ST6GAL2: variants seen among roughly 807,000 people sequenced by gnomAD.
ST6GAL2 encodes the protein ST6 beta-galactoside alpha-2,6-sialyltransferase 2.
Under a neutral mutation model 37.5 loss-of-function variants are expected in ST6GAL2, and 24 were observed. That is an observed-to-expected ratio of 0.64 (90% confidence interval 0.46 to 0.90). ST6GAL2 has a LOEUF of 0.90. Among genes scored for constraint, ST6GAL2 ranks in the 40% least tolerant of loss-of-function variants. The pLI is 0.00. For missense variants in ST6GAL2, 715 were observed against 712.7 expected, an observed-to-expected ratio of 1.00 and a Z score of -0.04; for synonymous variants, 306 against 295.1, an observed-to-expected ratio of 1.04 and a Z score of -0.38.
Position 106,803,289 on chromosome 2 carries a change from C to T in ST6GAL2, c.*3389G>A, listed in dbSNP as rs961363972. ...CAGACACATGGGAAGTGCTGTTTCT[C>T]GAAGCTCTGCCTTCAGGCAGACAAG... is the stretch of plus-strand genomic sequence containing the variant. On this transcript the variant is annotated 3_prime_UTR_variant, in exon 6 of 6. Coordinates refer to ENST00000409382, the MANE Select transcript of ST6GAL2 (RefSeq NM_001142351.2). 2.6e-5 allele frequency: 4 copies of T among 152,150 alleles called. No homozygotes were observed. Among genetic ancestry groups the T allele is most frequent in the African/African-American group, 9.7e-5 (4 of 41,430 alleles). 9.4% of individuals were successfully genotyped at this position (152,150 alleles called of 1,614,324 possible).
intron 1 of ST6GAL2, among the ~76,000 whole-genome samples, chr2:106,872,962 T>G (rs1558728954): frequency 6.6e-6 from 1 of 152,214 alleles, no homozygotes; most frequent in Non-Finnish European, 1.5e-5. Flanking sequence ...AACTGACATG[T>G]GCCAGGCATT....
chr2:106,861,290 C>T (rs973529807), intron 1 of ST6GAL2, among the ~76,000 whole-genome samples: 1 of 152,200 alleles, frequency 6.6e-6, no homozygotes, highest in Non-Finnish European at 1.5e-5. Flanking sequence ...CCCATCCTGG[C>T]CCTTTTTCCT....
intron 1 of ST6GAL2, among the ~76,000 whole-genome samples, chr2:106,878,041 C>T (rs1454111057): frequency 3.3e-5 from 5 of 152,364 alleles, no homozygotes; most frequent in African/African-American, 9.6e-5. Flanking sequence ...AATTCCCAAA[C>T]CAAATCTGTA....
intron 1 of ST6GAL2, among the ~76,000 whole-genome samples, chr2:106,863,025 G>T (rs905502876): frequency 3.3e-5 from 5 of 151,272 alleles, no homozygotes; most frequent in Admixed American, 6.6e-5. Flanking sequence ...AAAGAACATG[G>T]TATTCCTGGG....
At chr2:106,807,062 T>G in intron 5 of ST6GAL2, 113 bp from the exon 6 acceptor site, 1 of 868,280 alleles carries the variant, frequency 1.2e-6, no homozygotes, top group Admixed American at 2.8e-5. Flanking sequence ...AGACACTTAC[T>G]TTTTTGTTGT....
intron 1 of ST6GAL2, among the ~76,000 whole-genome samples, chr2:106,880,290 A>G (rs905262614): frequency 6.6e-6 from 1 of 152,162 alleles, no homozygotes; most frequent in Non-Finnish European, 1.5e-5. Context: ...TTCCAGAAAA[A>G]AGATTGAATA....
At chr2:106,878,207 T>G (rs1008926488) in intron 1 of ST6GAL2, among the ~76,000 whole-genome samples, 15 of 152,240 alleles carry the variant, frequency 9.9e-5, no homozygotes, top group African/African-American at 3.6e-4. Flanking sequence ...CTCATGCCTG[T>G]AGTCCCAGCA....
At chr2:106,841,458 A>G (rs1255992004) in intron 2 of ST6GAL2, among the ~76,000 whole-genome samples, 2 of 152,174 alleles carry the variant, frequency 1.3e-5, no homozygotes, top group African/African-American at 4.8e-5. Flanking sequence ...GCTGTATTTG[A>G]CTCACATTTG....
upstream of ST6GAL2, chr2:106,887,062 G>A (rs560453669): frequency 3.9e-5 from 6 of 152,770 alleles, no homozygotes; most frequent in South Asian, 2.1e-4. Flanking sequence ...AATGCGCACA[G>A]GCTGTGGGCG....
chr2:106,878,352 T>C (rs775333799), intron 1 of ST6GAL2, among the ~76,000 whole-genome samples: 2 of 152,024 alleles, frequency 1.3e-5, no homozygotes, highest in African/African-American at 4.8e-5. Flanking sequence ...TAATCCCAGT[T>C]ACTCAGGAGG....
intron 1 of ST6GAL2, among the ~76,000 whole-genome samples, chr2:106,846,882 G>C (rs1677166922): frequency 6.6e-6 from 1 of 152,208 alleles, no homozygotes; most frequent in Admixed American, 6.5e-5. Context: ...CATCGAATTA[G>C]ATAGGAAATA....
intron 1 of ST6GAL2, among the ~76,000 whole-genome samples, chr2:106,872,162 T>A (rs773688478): frequency 6.6e-6 from 1 of 152,364 alleles, no homozygotes; most frequent in Admixed American, 6.5e-5. Context: ...CCCTGTGTTA[T>A]ATGTCGTCTG....
At position 106,844,105 on chromosome 2, in the gene ST6GAL2, T is replaced by C. The variant is rs374642833; in HGVS notation, c.-57-71A>G. ...CAGATGCTGCTGGGGACATTCTATC[T>C]TGAGCAGTGTTTCTGTAGGTGGTGG... On this transcript the variant is annotated intron_variant, in intron 1 of 5. Coordinates refer to ENST00000409382, the MANE Select transcript of ST6GAL2 (RefSeq NM_001142351.2). The C allele has an allele frequency of 4.1e-4, 288 of 707,306 alleles. 2 individuals are homozygous for C. The East Asian group carries it at 6.4e-3, about 16-fold the overall frequency. 43.8% of individuals were successfully genotyped at this position (707,306 alleles called of 1,614,324 possible). A position where few individuals can be genotyped will look rare whatever the true frequency, so the allele number is the denominator to read the frequency against.
chr2:106,877,873 T>G (rs1369945726), intron 1 of ST6GAL2, among the ~76,000 whole-genome samples: 1 of 152,240 alleles, frequency 6.6e-6, no homozygotes, highest in Non-Finnish European at 1.5e-5. Flanking sequence ...GCCTTTCAGT[T>G]CAGTGAGGAA....
intron 5 of ST6GAL2, among the ~76,000 whole-genome samples, chr2:106,817,797 T>C (rs933223126): frequency 2.0e-5 from 3 of 152,190 alleles, no homozygotes; most frequent in Non-Finnish European, 4.4e-5. Flanking sequence ...GCGTTGGCTC[T>C]CACACAGCAC....
intron 1 of ST6GAL2, among the ~76,000 whole-genome samples, chr2:106,847,400 T>G (rs1203709336): frequency 6.6e-6 from 1 of 152,200 alleles, no homozygotes; most frequent in Non-Finnish European, 1.5e-5. Context: ...AGAATTCTAT[T>G]AAGAAATTGC....
At chr2:106,811,569 A>T (rs1675611821) in intron 5 of ST6GAL2, among the ~76,000 whole-genome samples, 1 of 152,190 alleles carries the variant, frequency 6.6e-6, no homozygotes, top group African/African-American at 2.4e-5. Context: ...TCACCTTTAA[A>T]TTTAAAGACA....
intron 1 of ST6GAL2, among the ~76,000 whole-genome samples, chr2:106,879,645 AT>A: frequency 6.7e-6 from 1 of 150,008 alleles, no homozygotes; most frequent in South Asian, 2.1e-4. Context: ...TAGACCAATT[AT>A]ATACGTATCT....
At position 106,803,435 on chromosome 2, in the gene ST6GAL2, A is replaced by G. The variant is rs1031168714; in HGVS notation, c.*3243T>C. 2 of 152,204 alleles carry G rather than the reference A, an allele frequency of 1.3e-5. No homozygotes were observed. The highest frequency in any genetic ancestry group is 4.8e-5 in the African/African-American group (2 of 41,458). 9.4% of individuals were successfully genotyped at this position (152,204 alleles called of 1,614,324 possible). A position where few individuals can be genotyped will look rare whatever the true frequency, so the allele number is the denominator to read the frequency against. On this transcript the variant is annotated 3_prime_UTR_variant, in exon 6 of 6. Coordinates refer to ENST00000409382, the MANE Select transcript of ST6GAL2 (RefSeq NM_001142351.2). ...TGAGCACAAAGTTCTCTGTAAGAGC[A>G]GCTCTATAAGGACATAGTGAGAAAG...
Sources: gnomAD v4.1 joint callset for allele counts (sites outside exome capture counted in the v4.1 genomes callset) on GRCh38, gnomAD v4.1.1 for gene constraint, MANE v1.5 for transcripts, NCBI Gene and HGNC (gene_info 2026-07-23, HGNC 2026-07-21) for gene names.